Variants in NETO1 observed in about 807,000 individuals in gnomAD.
NETO1 encodes neuropilin and tolloid like 1.
In NETO1, 26 loss-of-function variants were observed where a neutral mutation model predicts 61.3. The observed-to-expected ratio is 0.42, with a 90% CI of 0.31 to 0.59. The LOEUF is 0.59. Ranked by LOEUF, NETO1 falls within the 20% of genes least tolerant of loss-of-function variation. NETO1 has a pLI of 0.12. For missense variants in NETO1, 531 were observed against 662.8 expected (o/e 0.80, Z 2.18); for synonymous variants, 225 against 225.8 (o/e 1.00, Z 0.03).
At chr18:72,799,060 G>A (rs553093928) in intron 4 of NETO1, among the ~76,000 whole-genome samples, 1 of 152,366 alleles carries the variant, frequency 6.6e-6, no homozygotes, top group East Asian at 1.9e-4. Flanking sequence ...TGTCTGCACT[G>A]AGAGCATCAT....
intron 4 of NETO1, among the ~76,000 whole-genome samples, chr18:72,818,330 T>C (rs1457285501): frequency 6.6e-6 from 1 of 152,192 alleles, no homozygotes; most frequent in Non-Finnish European, 1.5e-5. Context: ...TTTCAAGATA[T>C]TAAGAAAAAT....
rs935024426 is a variant in NETO1, at chr18:72,748,026, T to G, written c.*153A>C. On this transcript the variant is annotated 3_prime_UTR_variant, in exon 11 of 11. Coordinates refer to ENST00000327305, the MANE Select transcript of NETO1 (RefSeq NM_138966.5). ...ATATCAGTGTGCAGCGGGGATGTCT[T>G]GCCGAAGGAATAACAAATGTCTGTA... 19 of 592,602 alleles carry G rather than the reference T, an allele frequency of 3.2e-5. No homozygotes were observed. In the African/African-American group the frequency reaches 3.4e-4, roughly 11 times the overall value. 36.7% of individuals were successfully genotyped at this position (592,602 alleles called of 1,614,324 possible). A position where few individuals can be genotyped will look rare whatever the true frequency, so the allele number is the denominator to read the frequency against.
chr18:72,808,714 C>T (rs962234092), intron 4 of NETO1, among the ~76,000 whole-genome samples: 4 of 152,170 alleles, frequency 2.6e-5, no homozygotes, highest in African/African-American at 9.6e-5. Context: ...CAAGACAAGA[C>T]CTTTTGTGCT....
At chr18:72,828,576 T>C (rs1037256455) in intron 4 of NETO1, among the ~76,000 whole-genome samples, 3 of 152,184 alleles carry the variant, frequency 2.0e-5, no homozygotes, top group African/African-American at 4.8e-5. Context: ...TTTAAAGAAA[T>C]AGTAGCTACA....
intron 7 of NETO1, among the ~76,000 whole-genome samples, chr18:72,766,224 G>A (rs71372421): frequency 0.32 from 31,503 of 99,020 alleles, 3,866 homozygotes; most frequent in East Asian, 0.42. Context: ...AAAAATATGT[G>A]TGTGTGTGTG....
At chr18:72,757,737 C>A (rs1393766885) in intron 7 of NETO1, among the ~76,000 whole-genome samples, 1 of 152,054 alleles carries the variant, frequency 6.6e-6, no homozygotes, top group African/African-American at 2.4e-5. Context: ...ATTGTAAAGA[C>A]CTGCTCTTTA....
At chr18:72,776,743 G>A (rs145646719) in intron 7 of NETO1, among the ~76,000 whole-genome samples, 160 of 152,138 alleles carry the variant, frequency 1.1e-3, no homozygotes, top group African/African-American at 3.6e-3. Flanking sequence ...CATCACCTTC[G>A]GTAGGTGCAG....
chr18:72,867,387 TA>T lies in NETO1; in HGVS notation c.-97del. The T allele has an allele frequency of 1.0e-6, 1 of 954,048 alleles. No homozygotes were observed. The allele number at this position is 954,048 out of a possible 1,614,324, so 59.1% of individuals were successfully genotyped here. A position where few individuals can be genotyped will look rare whatever the true frequency, so the allele number is the denominator to read the frequency against. ...GGGGGAGGACAGGGTCGAGAGGTGT[TA>T]AAGACGCAAAGCAAGAAGGAAATAA... is the stretch of plus-strand genomic sequence containing the variant. On this transcript the variant is annotated 5_prime_UTR_variant, in exon 1 of 11. It removes the in-frame stop codon of an upstream open reading frame in the 5' UTR. Transcript: ENST00000327305.
Position 72,750,413 on chromosome 18 carries a change from G to C in NETO1, c.1190C>G (p.Thr397Ser). The C allele has an allele frequency of 6.2e-7, 1 of 1,614,110 alleles. No homozygotes were observed. Among genetic ancestry groups the C allele is most frequent in the South Asian group, 1.1e-5 (1 of 91,078 alleles). The change falls in exon 9 of 11, where the codon ACT (threonine) becomes AGT (serine). Residue 397 changes from threonine to serine, a missense_variant. Transcript: ENST00000327305. The stretch of plus-strand genomic sequence containing the variant: ...AGCTGTAGCTCCTGTCCCTCTGAGA[G>C]TGCATAACTCATAATGAGGAGGTTC... ...VFEPPHYELC[T>S]LRGTGATADF...
intron 4 of NETO1, among the ~76,000 whole-genome samples, chr18:72,858,591 T>C (rs763741977): frequency 2.6e-5 from 4 of 152,208 alleles, no homozygotes; most frequent in Non-Finnish European, 5.9e-5. Context: ...ATGTGGCTGA[T>C]GCCCATTTAG....
intron 6 of NETO1, among the ~76,000 whole-genome samples, chr18:72,793,856 A>G (rs549529668): frequency 5.3e-4 from 81 of 152,352 alleles, no homozygotes; most frequent in African/African-American, 1.8e-3. Context: ...TCCATGTTTC[A>G]GAGAGGTCGA....
At chr18:72,842,861 A>G (rs919311618) in intron 4 of NETO1, among the ~76,000 whole-genome samples, 10 of 152,220 alleles carry the variant, frequency 6.6e-5, no homozygotes. Context: ...AACTAAAATG[A>G]AACAATGCGT....
At chr18:72,750,036 T>C in intron 9 of NETO1, 26 bp downstream of exon 9, 2 of 1,495,162 alleles carry the variant, frequency 1.3e-6, no homozygotes, top group Non-Finnish European at 1.8e-6. Flanking sequence ...GTTATAGTTG[T>C]CATCAAAAAA....
chr18:72,789,108 T>C (rs995113379), intron 6 of NETO1, among the ~76,000 whole-genome samples: 2 of 152,130 alleles, frequency 1.3e-5, no homozygotes, highest in Non-Finnish European at 2.9e-5. Context: ...GTCAGGTTTA[T>C]AAACTTATGT....
intron 6 of NETO1, among the ~76,000 whole-genome samples, chr18:72,792,115 G>A (rs922619809): frequency 2.4e-4 from 36 of 152,216 alleles, no homozygotes; most frequent in African/African-American, 7.9e-4. Flanking sequence ...AAAAAGTCAA[G>A]TGAAGAAAGA....
intron 6 of NETO1, among the ~76,000 whole-genome samples, chr18:72,793,475 T>C (rs896578182): frequency 6.6e-6 from 1 of 152,146 alleles, no homozygotes; most frequent in Non-Finnish European, 1.5e-5. Flanking sequence ...ATTTTTATAA[T>C]GTATTGCCAA....
chr18:72,812,955 A>G (rs764746001), intron 4 of NETO1, among the ~76,000 whole-genome samples: 4 of 152,212 alleles, frequency 2.6e-5, no homozygotes, highest in Non-Finnish European at 5.9e-5. Context: ...AATAAAAGAT[A>G]TTGATTATAT....
intron 4 of NETO1, among the ~76,000 whole-genome samples, chr18:72,831,895 C>T (rs2145397898): frequency 6.6e-6 from 1 of 152,188 alleles, no homozygotes; most frequent in Middle Eastern, 3.4e-3. Flanking sequence ...TGCCTTCTTC[C>T]TAGGTAACTC....
intron 4 of NETO1, among the ~76,000 whole-genome samples, chr18:72,858,320 T>C (rs1181286674): frequency 1.3e-5 from 2 of 152,176 alleles, no homozygotes; most frequent in African/African-American, 2.4e-5. Flanking sequence ...GTCTCAGTTT[T>C]CCTTTCATCA....
Sources: gnomAD v4.1 joint callset for allele counts (sites outside exome capture counted in the v4.1 genomes callset) on GRCh38, gnomAD v4.1.1 for gene constraint, MANE v1.5 for transcripts, NCBI Gene and HGNC (gene_info 2026-07-23, HGNC 2026-07-21) for gene names.